Variants in SMC3 observed in about 807,000 individuals in gnomAD.
SMC3 encodes the protein structural maintenance of chromosomes 3, also known as structural maintenance of chromosomes protein 3.
A neutral mutation model predicts 171.8 loss-of-function variants in SMC3; 20 were observed. That is an observed-to-expected ratio of 0.12 (90% CI 0.08 to 0.17). SMC3 has a LOEUF of 0.17. Among genes scored for constraint, SMC3 ranks in the 10% least tolerant of loss-of-function variants. The pLI is 1.00. For synonymous variants in SMC3, 464 were observed against 451.1 expected (o/e 1.03, Z -0.36); for missense variants, 543 against 1,420.4 (o/e 0.38, Z 9.93).
intron 13 of SMC3, among the ~76,000 whole-genome samples, chr10:110,585,896 C>A (rs1374037816): frequency 6.6e-6 from 1 of 152,038 alleles, no homozygotes; most frequent in Admixed American, 6.5e-5. Flanking sequence ...TTCCCGGGTT[C>A]AAGCAATTCT....
At chr10:110,571,544 C>G (rs1287797054) in intron 2 of SMC3, among the ~76,000 whole-genome samples, 1 of 152,226 alleles carries the variant, frequency 6.6e-6, no homozygotes, top group Non-Finnish European at 1.5e-5. Context: ...TGGGAACTAA[C>G]ACCCGGAAGT....
In SMC3 at chr10:110,591,126, A is replaced by G. The variant is rs755990529; in HGVS notation, c.1806A>G (p.Glu602=). ...ATGTCAGGGATACAGCCTATCCTGA[A>G]ACCAATGTGAGTCATTGTGTGATAA... ...KLDVRDTAYP[E]TNDAIPMISK... is the part of the protein sequence containing the mutation. The change falls in exon 17 of 29, where the codon GAA becomes GAG. Residue 602 remains glutamate (E), a synonymous_variant. Coordinates refer to ENST00000361804, the MANE Select transcript of SMC3 (RefSeq NM_005445.4). 1.9e-6 allele frequency: 3 copies of G among 1,613,602 alleles called. No homozygotes were observed. The highest frequency in any genetic ancestry group is 2.5e-6 in the Non-Finnish European group (3 of 1,179,692).
chr10:110,584,059 C>G, intron 12 of SMC3, 97 bp downstream of exon 12: 2 of 1,531,862 alleles, frequency 1.3e-6, no homozygotes, highest in Admixed American at 3.4e-5. Context: ...GCTTTTTACA[C>G]TTAATTCTTT....
Position 110,584,234 on chromosome 10 carries a change from A to T in SMC3, c.1143A>T (p.Arg381=). ...CGGATCTTTATGCAAAGCAGGGTCG[A>T]GGAAGCCAGTTTACATCAAAAGAAG... ...ERTDLYAKQG[R]GSQFTSKEER... Residue 381 remains arginine, a synonymous_variant, in exon 13 of 29, where the codon CGA becomes CGT. Transcript: ENST00000361804. 3.1e-6 allele frequency: 5 copies of T among 1,614,156 alleles called. No individual in the cohort carries two copies. The highest frequency in any genetic ancestry group is 4.2e-6 in the Non-Finnish European group (5 of 1,180,008).
chr10:110,593,369 C>A, intron 18 of SMC3, 146 bp downstream of exon 18: 2 of 737,934 alleles, frequency 2.7e-6, no homozygotes, highest in East Asian at 2.9e-5. Context: ...GTCAGGAGTT[C>A]AAGACCAGCC....
chr10:110,576,270 C>T (rs1374584938), intron 4 of SMC3, among the ~76,000 whole-genome samples: 1 of 152,148 alleles, frequency 6.6e-6, no homozygotes, highest in African/African-American at 2.4e-5. Flanking sequence ...ACTGCTATCA[C>T]GTTGTCATTC....
chr10:110,567,789 TCTCC>T lies in SMC3; in HGVS notation c.-27_-24del. The stretch of plus-strand genomic sequence containing the variant: ...CGTGCGGTTGCTGCTCCGGGGCAGG[TCTCC>T]TTCCAGGCCAGGGGCCCGGAATCAT... On this transcript the variant is annotated 5_prime_UTR_variant, in exon 1 of 29. Coordinates refer to ENST00000361804, the MANE Select transcript of SMC3 (RefSeq NM_005445.4). 6.2e-7 allele frequency: 1 copy of T among 1,613,242 alleles called. No individual in the cohort carries two copies. The highest frequency in any genetic ancestry group is 8.5e-7 in the Non-Finnish European group (1 of 1,179,742).
chr10:110,581,097 A>T, intron 8 of SMC3, 76 bp downstream of exon 8: 1 of 817,758 alleles, frequency 1.2e-6, no homozygotes, highest in Non-Finnish European at 2.2e-6. Flanking sequence ...CCATGATGGG[A>T]ATATAGTAGG....
intron 4 of SMC3, among the ~76,000 whole-genome samples, chr10:110,575,992 TTAGA>T (rs1860942095): frequency 6.6e-6 from 1 of 152,210 alleles, no homozygotes; most frequent in African/African-American, 2.4e-5. Context: ...ATATTTGTAC[TTAGA>T]TAGTAAACAT....
chr10:110,597,039 G>A (rs1861311278), intron 19 of SMC3, among the ~76,000 whole-genome samples: 1 of 151,910 alleles, frequency 6.6e-6, no homozygotes, highest in South Asian at 2.1e-4. Flanking sequence ...AGCTACTTGG[G>A]AGGCTGAGGC....
At chr10:110,600,863 CTT>C (rs1046674215) in intron 22 of SMC3, among the ~76,000 whole-genome samples, 157 bp from the exon 23 acceptor site, 4 of 151,698 alleles carry the variant, frequency 2.6e-5, no homozygotes, top group Non-Finnish European at 5.9e-5. Flanking sequence ...GTAATTGTGT[CTT>C]TTTTTTCTTC....
At chr10:110,573,620 A>G (rs1860905737) in intron 2 of SMC3, 87 bp from the exon 3 acceptor site, 2 of 921,732 alleles carry the variant, frequency 2.2e-6, no homozygotes, top group Non-Finnish European at 3.4e-6. Flanking sequence ...TTGGATTTTA[A>G]AAATATTGAG....
chr10:110,600,299 T>G, intron 21 of SMC3, 140 bp from the exon 22 acceptor site: 1 of 641,100 alleles, frequency 1.6e-6, no homozygotes, highest in Non-Finnish European at 2.8e-6. Context: ...GAAGAAAGTA[T>G]AGGGCTTTTT....
intron 18 of SMC3, among the ~76,000 whole-genome samples, chr10:110,593,550 T>C (rs1861242010): frequency 6.6e-6 from 1 of 151,744 alleles, no homozygotes; most frequent in Non-Finnish European, 1.5e-5. Flanking sequence ...CCAGCTTGGG[T>C]GACAGAGCGA....
intron 4 of SMC3, 53 bp downstream of exon 4, chr10:110,575,456 A>G: frequency 7.8e-7 from 1 of 1,281,752 alleles, no homozygotes; most frequent in Non-Finnish European, 1.1e-6. Context: ...TTTAAAAATA[A>G]ATTTTCCATG....
At chr10:110,569,981 G>A (rs61017729) in intron 2 of SMC3, among the ~76,000 whole-genome samples, 16,916 of 152,206 alleles carry the variant, frequency 0.11, 1,852 homozygotes, top group African/African-American at 0.28. Context: ...ACTAAGTGGT[G>A]TATTAGTTTG....
Position 110,591,219 on chromosome 10 carries a change from A to G in SMC3, c.1812+87A>G, listed in dbSNP as rs997581874. On this transcript the variant is annotated intron_variant, in intron 17 of 28. Coordinates refer to ENST00000361804, the MANE Select transcript of SMC3 (RefSeq NM_005445.4). ...TAACACATGCTAGTGCCCAGGCACTATACACTGGGATTCAGTGGTGTATGA... is the reference window on the plus strand; with the variant it reads ...TAACACATGCTAGTGCCCAGGCACTGTACACTGGGATTCAGTGGTGTATGA... The G allele has an allele frequency of 4.8e-6, 6 of 1,260,784 alleles. No individual in the cohort carries two copies. The Admixed American group carries it at 5.5e-5, about 11-fold the overall frequency. The allele number at this position is 1,260,784 out of a possible 1,614,324, so 78.1% of individuals were successfully genotyped here. A position where few individuals can be genotyped will look rare whatever the true frequency, so the allele number is the denominator to read the frequency against.
rs1156740615 is a variant in SMC3, at chr10:110,601,040, G to C, written c.2554G>C (p.Glu852Gln). 1 of 1,613,284 alleles carries C rather than the reference G, an allele frequency of 6.2e-7. No homozygotes were observed. The highest frequency in any genetic ancestry group is 8.5e-7 in the Non-Finnish European group (1 of 1,179,418). ...QVEQELNELRETEGGTVLTAT... is the reference protein window; with the variant it reads ...QVEQELNELRQTEGGTVLTAT... ...GTTACAGGAACTTAATGAGCTGAGA[G>C]AGACAGAAGGGGGTACTGTTCTCAC... The change falls in exon 23 of 29, where the codon GAG becomes CAG. Residue 852 changes from glutamate to glutamine, a missense_variant. Physicochemically the swap from Glu to Gln is conservative, Grantham distance 29. This residue lies in a region of SMC3 where 33 missense variants were observed against 33.6 expected (regional missense o/e 0.98). Coordinates refer to ENST00000361804, the MANE Select transcript of SMC3 (RefSeq NM_005445.4).
intron 18 of SMC3, among the ~76,000 whole-genome samples, chr10:110,594,854 A>G (rs971039122): frequency 3.9e-5 from 6 of 152,216 alleles, no homozygotes; most frequent in African/African-American, 1.4e-4. Context: ...TTGTATAGCC[A>G]CAGTATCATT....
Sources: allele counts gnomAD v4.1 joint callset (sites outside exome capture counted in the v4.1 genomes callset), GRCh38; gene constraint gnomAD v4.1.1; regional missense constraint gnomAD v4.1.1; transcripts MANE v1.5; gene names NCBI Gene and HGNC (gene_info 2026-07-23, HGNC 2026-07-21).